Variants in UPP2 observed in about 807,000 individuals in gnomAD.
UPP2 encodes the protein uridine phosphorylase 2.
A neutral mutation model predicts 26.7 loss-of-function variants in UPP2; 23 were observed. The observed-to-expected ratio is 0.86, with a 90% confidence interval of 0.62 to 1.22. The LOEUF is 1.22. Ranked by LOEUF, UPP2 falls within the 50% of genes most tolerant of loss-of-function variation. The pLI is 0.00. For missense variants in UPP2, 387 were observed against 396.7 expected, an observed-to-expected ratio of 0.98 and a Z score of 0.21; for synonymous variants, 127 against 141.3, an observed-to-expected ratio of 0.90 and a Z score of 0.72.
chr2:158,001,698 A>G (rs954565772), intron 2 of UPP2, among the ~76,000 whole-genome samples: 2 of 152,138 alleles, frequency 1.3e-5, no homozygotes, highest in Non-Finnish European at 2.9e-5. Context: ...ATTCCTGGTC[A>G]TATTCACAAA....
chr2:158,093,202 T>C (rs530840193), intron 3 of UPP2, among the ~76,000 whole-genome samples: 273 of 151,742 alleles, frequency 1.8e-3, no homozygotes, highest in African/African-American at 3.9e-3. Context: ...ATTACAGGCG[T>C]GAGCCATTGC....
chr2:158,124,328 T>C (rs538529060), intron 6 of UPP2, among the ~76,000 whole-genome samples: 1 of 152,106 alleles, frequency 6.6e-6, no homozygotes, highest in Admixed American at 6.5e-5. Flanking sequence ...TTCTGTTCAA[T>C]GCAAATCCAA....
At chr2:158,095,484 A>T (rs1682970955) in intron 3 of UPP2, among the ~76,000 whole-genome samples, 1 of 152,104 alleles carries the variant, frequency 6.6e-6, no homozygotes, top group African/African-American at 2.4e-5. Context: ...TTCTCCTTGG[A>T]CTTTGTCTTC....
intron 2 of UPP2, among the ~76,000 whole-genome samples, chr2:158,001,909 A>G (rs1683413324): frequency 7.2e-6 from 1 of 139,218 alleles, no homozygotes; most frequent in South Asian, 2.4e-4. Context: ...AGATCAAGCC[A>G]TTCCTTGAAG....
intron 6 of UPP2, among the ~76,000 whole-genome samples, chr2:158,124,254 T>C (rs1387136543): frequency 6.6e-6 from 1 of 152,170 alleles, no homozygotes; most frequent in Non-Finnish European, 1.5e-5. Flanking sequence ...ATCATAATTT[T>C]AAAGAGCATG....
At chr2:158,132,827 G>A (rs1033939517) in intron 6 of UPP2, among the ~76,000 whole-genome samples, 6 of 152,096 alleles carry the variant, frequency 3.9e-5, no homozygotes, top group Admixed American at 1.3e-4. Context: ...GCGAGGTGTC[G>A]CTTCACACCT....
intron 2 of UPP2, among the ~76,000 whole-genome samples, chr2:158,009,582 G>A (rs900629566): frequency 6.6e-6 from 1 of 152,192 alleles, no homozygotes; most frequent in East Asian, 1.9e-4. Flanking sequence ...TCATAGCACT[G>A]GGCTGACTTT....
intron 4 of UPP2, among the ~76,000 whole-genome samples, chr2:158,118,163 G>A (rs1415843680): frequency 1.3e-5 from 2 of 151,786 alleles, no homozygotes; most frequent in Non-Finnish European, 2.9e-5. Flanking sequence ...TGCCTATTGC[G>A]GGATAGTCTT....
chr2:158,082,969 T>A (rs1682751599), intron 3 of UPP2, among the ~76,000 whole-genome samples: 1 of 152,086 alleles, frequency 6.6e-6, no homozygotes. Context: ...TCATCATCAC[T>A]GGTCATTAGA....
chr2:158,131,358 T>A (rs1683815057), intron 6 of UPP2, among the ~76,000 whole-genome samples: 1 of 152,160 alleles, frequency 6.6e-6, no homozygotes, highest in Non-Finnish European at 1.5e-5. Flanking sequence ...TCATTCTGAA[T>A]CAGAGAGGTG....
At chr2:158,058,840 T>C (rs895696348) in intron 3 of UPP2, among the ~76,000 whole-genome samples, 2 of 151,966 alleles carry the variant, frequency 1.3e-5, no homozygotes, top group Non-Finnish European at 2.9e-5. Flanking sequence ...AGGGTTTAAA[T>C]AAGGAAAGTG....
upstream of UPP2, among the ~76,000 whole-genome samples, chr2:158,098,329 C>T (rs965284942): frequency 3.3e-5 from 5 of 152,106 alleles, no homozygotes; most frequent in East Asian, 5.8e-4. Flanking sequence ...AACACTGCAG[C>T]CAGAGGCCTG....
rs1295115061 is a variant in UPP2, at chr2:158,067,008, ATATT to A, written c.148-35028_148-35025del. Among the ~76,000 whole-genome samples the A allele has an allele frequency of 2.3e-4, 35 of 152,056 alleles. 2 individuals are homozygous for A. Among genetic ancestry groups the A allele is most frequent in the Non-Finnish European group, 5.0e-4 (34 of 68,004 alleles). On this transcript the variant is annotated intron_variant, in intron 3 of 9. Transcript: ENST00000605860. The stretch of plus-strand genomic sequence containing the variant: ...TTCTAAAATTATTGTAATTTTTTCC[ATATT>A]TATCAGAAGTTGTTTACCAACTTAT...
intron 2 of UPP2, among the ~76,000 whole-genome samples, chr2:158,114,776 A>C (rs966520238): frequency 3.9e-5 from 6 of 152,234 alleles, no homozygotes; most frequent in African/African-American, 1.2e-4. Flanking sequence ...GGTAATGCTC[A>C]ACAATAGGCT....
At chr2:158,095,951 C>T (rs999612353) in intron 3 of UPP2, among the ~76,000 whole-genome samples, 33 of 152,050 alleles carry the variant, frequency 2.2e-4, no homozygotes, top group Admixed American at 1.8e-3. Context: ...GTTAGACACG[C>T]GGTGCCTCAT....
chr2:158,104,832 G>C (rs904463048), intron 1 of UPP2, among the ~76,000 whole-genome samples: 5 of 151,768 alleles, frequency 3.3e-5, no homozygotes, highest in Non-Finnish European at 5.9e-5. Flanking sequence ...TGAGGCAGGA[G>C]AATCGCTTGA....
chr2:158,065,595 G>A (rs908140583), intron 3 of UPP2: 1 of 563,556 alleles, frequency 1.8e-6, no homozygotes, highest in Middle Eastern at 5.9e-4. Flanking sequence ...ACAAGAACAT[G>A]AGGATTTCTT....
At position 158,117,986 on chromosome 2, in the gene UPP2, C is replaced by T. The variant is rs372194704; in HGVS notation, c.454+48C>T. 264 of 1,485,464 alleles carry T rather than the reference C, an allele frequency of 1.8e-4. 3 individuals carry two copies. Among genetic ancestry groups the T allele is most frequent in the Middle Eastern group, 1.7e-3 (9 of 5,448 alleles). The allele number at this position is 1,485,464 out of a possible 1,614,324, so 92.0% of individuals were successfully genotyped here. A position where few individuals can be genotyped will look rare whatever the true frequency, so the allele number is the denominator to read the frequency against. ...ATTAGAACTGAGTGATCCTTACATA[C>T]ATGGTAGCTGCCAAAATATAACATC... is the stretch of plus-strand genomic sequence containing the variant. On this transcript the variant is annotated intron_variant, in intron 4 of 6. Coordinates refer to ENST00000005756, the MANE Select transcript of UPP2 (RefSeq NM_173355.4).
chr2:158,060,334 G>T (rs1386616973), intron 3 of UPP2, among the ~76,000 whole-genome samples: 1 of 152,162 alleles, frequency 6.6e-6, no homozygotes, highest in Non-Finnish European at 1.5e-5. Flanking sequence ...GGTTATTGTG[G>T]AGTGAGATGA....
Sources: gnomAD v4.1 joint callset for allele counts (sites outside exome capture counted in the v4.1 genomes callset) on GRCh38, gnomAD v4.1.1 for gene constraint, MANE v1.5 for transcripts, NCBI Gene and HGNC (gene_info 2026-07-23, HGNC 2026-07-21) for gene names.